Variants in BLMH observed in about 807,000 individuals in gnomAD.
BLMH encodes the protein BLM hydrolase.
BLMH carries 32 observed loss-of-function variants against 61.6 expected under a neutral mutation model. The ratio of observed to expected loss-of-function variants is 0.52; its 90% CI spans 0.39 to 0.70. The LOEUF is 0.70. Ranked by LOEUF, BLMH falls within the 30% of genes least tolerant of loss-of-function variation. BLMH has a pLI of 0.00. For missense variants in BLMH, 460 were observed against 555.5 expected (o/e 0.83, Z 1.73); for synonymous variants, 183 against 193.8 (o/e 0.94, Z 0.46).
Position 30,287,823 on chromosome 17 carries a change from ATAT to A in BLMH, c.443_445del (p.Asp148_Met149delinsVal). The stretch of plus-strand genomic sequence containing the variant: ...ACTTTTACCAACAATATTAACAAGC[ATAT>A]CCCATTGGCCACCATCATTTGCAGG... On this transcript the variant is annotated inframe_deletion, in exon 4 of 12. Coordinates refer to ENST00000261714, the MANE Select transcript of BLMH (RefSeq NM_000386.4). 1 of 1,614,136 alleles carries A rather than the reference ATAT, an allele frequency of 6.2e-7. No individual in the cohort carries two copies. Among genetic ancestry groups the A allele is most frequent in the Non-Finnish European group, 8.5e-7 (1 of 1,180,002 alleles).
chr17:30,264,382 T>C (rs1222809027), intron 11 of BLMH, among the ~76,000 whole-genome samples: 1 of 152,118 alleles, frequency 6.6e-6, no homozygotes, highest in African/African-American at 2.4e-5. Flanking sequence ...TTTACAGTTC[T>C]CTAAGCATAA....
In BLMH at chr17:30,291,795, G is replaced by T; in HGVS notation, c.13+12C>A. ...CTCCAGAGGACCGCGGCGGGGGACG[G>T]CGGCACCTCACCCGAGCTGCTCATG... On this transcript the variant is annotated intron_variant, in intron 1 of 11. Coordinates refer to ENST00000261714, the MANE Select transcript of BLMH (RefSeq NM_000386.4). 1 of 1,400,578 alleles carries T rather than the reference G, an allele frequency of 7.1e-7. No homozygotes were observed. Among genetic ancestry groups the T allele is most frequent in the Non-Finnish European group, 9.2e-7 (1 of 1,081,778 alleles). 86.8% of individuals were successfully genotyped at this position (1,400,578 alleles called of 1,614,324 possible).
chr17:30,276,260 G>C (rs1908421937), intron 6 of BLMH, among the ~76,000 whole-genome samples: 1 of 152,186 alleles, frequency 6.6e-6, no homozygotes, highest in Admixed American at 6.5e-5. Context: ...TCTCAACAAA[G>C]ATGGTGGATA....
rs566398674 is a variant in BLMH at position 30,266,077 on chromosome 17, A to G, written c.1216+808T>C. On this transcript the variant is annotated intron_variant, in intron 11 of 11. Transcript: ENST00000261714. ...TCTCCCTAGGTTTTGATTTGCCAGT[A>G]TAAAGAAGTGCTAAGTGGTAAGCAA... Among the ~76,000 whole-genome samples, 4 of 152,328 alleles carry G rather than the reference A, an allele frequency of 2.6e-5. No homozygotes were observed. The East Asian group carries it at 7.7e-4, about 29-fold the overall frequency.
In BLMH at chr17:30,271,403, A is replaced by G; in HGVS notation, c.1029-15T>C. The G allele has an allele frequency of 6.3e-7, 1 of 1,594,298 alleles. No individual in the cohort carries two copies. The stretch of plus-strand genomic sequence containing the variant: ...CATGGTCATAGCTGTAAAAAGAATG[A>G]TAGTACAAAATAAAGGGAGTACGAT... On this transcript the variant is annotated splice_polypyrimidine_tract_variant and intron_variant, in intron 9 of 11. Transcript: ENST00000261714.
At chr17:30,289,904 TTATAA>T (rs1908837372) in intron 2 of BLMH, among the ~76,000 whole-genome samples, 1 of 152,144 alleles carries the variant, frequency 6.6e-6, no homozygotes, top group Non-Finnish European at 1.5e-5. Flanking sequence ...GAAAATATGT[TTATAA>T]TATATTGGTA....
rs766236646 is a variant in BLMH, at chr17:30,249,015, T to G, written c.*2A>C. 6.8e-6 allele frequency: 11 copies of G among 1,613,756 alleles called. No individual in the cohort carries two copies. The highest frequency in any genetic ancestry group is 1.3e-5 in the African/African-American group (1 of 74,898). ...GAAGGAGGAAAGAGCTGGAGGGCAG[T>G]ATCACTCAGCCAAAGCTCCCATGGG... On this transcript the variant is annotated 3_prime_UTR_variant, in exon 12 of 12. Transcript: ENST00000261714.
chr17:30,285,007 T>C lies in BLMH; in HGVS notation c.645+381A>G, dbSNP rs60306717. ...CCTCTATGACCACCAAATCAGTTTT[T>C]ACACATCTAGCATAGGATTTATCAT... On this transcript the variant is annotated intron_variant, in intron 6 of 11. Coordinates refer to ENST00000261714, the MANE Select transcript of BLMH (RefSeq NM_000386.4). Among the ~76,000 whole-genome samples, 241 of 152,350 alleles carry C rather than the reference T, an allele frequency of 1.6e-3. 1 individual carries two copies. Among genetic ancestry groups the C allele is most frequent in the African/African-American group, 5.4e-3 (225 of 41,590 alleles).
intron 10 of BLMH, among the ~76,000 whole-genome samples, chr17:30,269,818 T>C (rs1019041813): frequency 2.6e-5 from 4 of 152,208 alleles, no homozygotes; most frequent in Non-Finnish European, 4.4e-5. Context: ...GCCTCTTAAG[T>C]TCAGGGCACC....
chr17:30,250,555 A>G (rs1322895022), intron 11 of BLMH, among the ~76,000 whole-genome samples: 3 of 152,262 alleles, frequency 2.0e-5, no homozygotes, highest in Non-Finnish European at 4.4e-5. Context: ...TACTCCTGCA[A>G]GAATGGCCAT....
chr17:30,275,276 G>C (rs1008636339), intron 6 of BLMH, among the ~76,000 whole-genome samples: 7 of 152,094 alleles, frequency 4.6e-5, no homozygotes, highest in Non-Finnish European at 1.0e-4. Flanking sequence ...TGGGTTGTGA[G>C]ACAACATATT....
chr17:30,268,993 T>C (rs1248406681), intron 10 of BLMH, among the ~76,000 whole-genome samples: 1 of 150,522 alleles, frequency 6.6e-6, no homozygotes, highest in Non-Finnish European at 1.5e-5. Flanking sequence ...TGAGCTGAGA[T>C]TGTGCCACTG....
In BLMH at chr17:30,291,820, G is replaced by T. The variant is rs1456540719; in HGVS notation, c.-1C>A. 6 of 1,361,254 alleles carry T rather than the reference G, an allele frequency of 4.4e-6. No homozygotes were observed. The highest frequency in any genetic ancestry group is 5.7e-6 in the Non-Finnish European group (6 of 1,061,550). The allele number at this position is 1,361,254 out of a possible 1,614,324, so 84.3% of individuals were successfully genotyped here. On this transcript the variant is annotated 5_prime_UTR_variant, in exon 1 of 12. Coordinates refer to ENST00000261714, the MANE Select transcript of BLMH (RefSeq NM_000386.4). ...GCGGCACCTCACCCGAGCTGCTCATGGCGCCCACGCTGCCCGGCGGGGTAA... is the reference window on the plus strand; with the variant it reads ...GCGGCACCTCACCCGAGCTGCTCATTGCGCCCACGCTGCCCGGCGGGGTAA...
intron 6 of BLMH, among the ~76,000 whole-genome samples, chr17:30,282,085 T>C (rs1012654004): frequency 6.6e-6 from 1 of 152,146 alleles, no homozygotes; most frequent in African/African-American, 2.4e-5. Flanking sequence ...AGAAATGAGG[T>C]CTCACTAGGT....
chr17:30,291,590 T>C (rs1448498579), intron 1 of BLMH, 82 bp from the exon 2 acceptor site: 4 of 1,548,034 alleles, frequency 2.6e-6, no homozygotes, highest in Non-Finnish European at 3.5e-6. Context: ...GAATCTAACT[T>C]CGTAAGCGCA....
chr17:30,285,519 G>T, intron 5 of BLMH, 39 bp from the exon 6 acceptor site: 1 of 1,514,180 alleles, frequency 6.6e-7, no homozygotes, highest in Non-Finnish European at 9.1e-7. Flanking sequence ...ACAGTTACCC[G>T]AATTCAATTG....
intron 6 of BLMH, among the ~76,000 whole-genome samples, chr17:30,275,664 G>A (rs756045944): frequency 4.9e-4 from 75 of 151,750 alleles, no homozygotes; most frequent in Non-Finnish European, 6.5e-4. Flanking sequence ...CTGGCCTGGG[G>A]GACAGGGCGA....
chr17:30,287,176 G>A (rs1196947143), intron 4 of BLMH, among the ~76,000 whole-genome samples: 1 of 152,068 alleles, frequency 6.6e-6, no homozygotes, highest in East Asian at 1.9e-4. Context: ...TATGGTGCAT[G>A]ATACCATGTG....
chr17:30,256,204 T>C (rs1907810353), intron 11 of BLMH, among the ~76,000 whole-genome samples: 1 of 152,096 alleles, frequency 6.6e-6, no homozygotes, highest in African/African-American at 2.4e-5. Context: ...CATTTTAAAT[T>C]GGAGCTTTTT....
Sources: allele counts gnomAD v4.1 joint callset (sites outside exome capture counted in the v4.1 genomes callset), GRCh38; gene constraint gnomAD v4.1.1; transcripts MANE v1.5; gene names NCBI Gene and HGNC (gene_info 2026-07-23, HGNC 2026-07-21).